The following ANKRD44 variants were observed in gnomAD, a reference collection of about 807,000 sequenced individuals.
ANKRD44 encodes serine/threonine-protein phosphatase 6 regulatory ankyrin repeat subunit B.
ANKRD44 carries 35 observed loss-of-function variants against 116.0 expected under a neutral mutation model. That is an observed-to-expected ratio of 0.30 (90% CI 0.23 to 0.40). The LOEUF is 0.40. Ranked by LOEUF, ANKRD44 falls within the 10% of genes least tolerant of loss-of-function variation. The probability of loss-of-function intolerance (pLI) is 1.00; values close to 1 mark genes in which losing one functional copy is unlikely to be tolerated. For synonymous variants in ANKRD44, 435 were observed against 461.8 expected (o/e 0.94, Z 0.74); for missense variants, 1,014 against 1,242.6 (o/e 0.82, Z 2.77).
chr2:196,987,467 T>C lies in ANKRD44; in HGVS notation c.*2124A>G, dbSNP rs2075850789. The C allele has an allele frequency of 1.3e-5, 13 of 985,380 alleles. No individual in the cohort carries two copies. Among genetic ancestry groups the C allele is most frequent in the Non-Finnish European group, 1.6e-5 (13 of 829,900 alleles). The allele number at this position is 985,380 out of a possible 1,614,324, so 61.0% of individuals were successfully genotyped here. ...ACAAGACAATAAAACGGATGAGTTC[T>C]TCAACCAACACAACATATAAGCACA... On this transcript the variant is annotated 3_prime_UTR_variant, in exon 28 of 28. Coordinates refer to ENST00000282272, the MANE Select transcript of ANKRD44 (RefSeq NM_001195144.2).
chr2:197,248,528 CTTATATA>C (rs961382204), intron 1 of ANKRD44, among the ~76,000 whole-genome samples: 139 of 147,346 alleles, frequency 9.4e-4, no homozygotes, highest in African/African-American at 3.4e-3. Flanking sequence ...TAAATACATA[CTTATATA>C]TATTATACAT....
intron 17 of ANKRD44, among the ~76,000 whole-genome samples, chr2:197,014,213 A>G (rs981242429): frequency 2.6e-5 from 4 of 152,152 alleles, no homozygotes. Flanking sequence ...ATTCTATACT[A>G]ATTTCTAACT....
rs563741597 is a variant in ANKRD44 at position 197,026,148 on chromosome 2, A to C, written c.1651-881T>G. Among the ~76,000 whole-genome samples the C allele has an allele frequency of 1.3e-4, 20 of 152,284 alleles. No individual in the cohort carries two copies. In the South Asian group the frequency reaches 3.9e-3, roughly 30 times the overall value. ...TGAGTGCACAATAGTGCATATTGTA[A>C]GGAAATGCATTCATACAATAAATAC... is the stretch of plus-strand genomic sequence containing the variant. On this transcript the variant is annotated intron_variant, in intron 16 of 27. Coordinates refer to ENST00000282272, the MANE Select transcript of ANKRD44 (RefSeq NM_001195144.2).
At chr2:197,247,295 G>A (rs941629855) in intron 1 of ANKRD44, among the ~76,000 whole-genome samples, 5 of 152,202 alleles carry the variant, frequency 3.3e-5, no homozygotes, top group African/African-American at 1.2e-4. Flanking sequence ...TCCAAGCAAG[G>A]CAGCGCTAAC....
At chr2:197,063,271 A>C (rs4850758) in intron 16 of ANKRD44, among the ~76,000 whole-genome samples, 109,498 of 152,074 alleles carry the variant, frequency 0.72, 40,831 homozygotes, top group East Asian at 0.86. Flanking sequence ...ACTAACAAAC[A>C]GAAAGGACAT....
At chr2:197,009,115 T>G in intron 18 of ANKRD44, 84 bp from the exon 19 acceptor site, 1 of 1,165,706 alleles carries the variant, frequency 8.6e-7, no homozygotes, top group Non-Finnish European at 1.3e-6. Flanking sequence ...TTTTTTGAGA[T>G]GGAGTCTTGC....
At chr2:197,017,017 T>C (rs1203766409) in intron 17 of ANKRD44, among the ~76,000 whole-genome samples, 1 of 151,928 alleles carries the variant, frequency 6.6e-6, no homozygotes, top group African/African-American at 2.4e-5. Flanking sequence ...TGTGAAGAAA[T>C]AAGTAAAATT....
intron 1 of ANKRD44, among the ~76,000 whole-genome samples, chr2:197,223,746 C>T (rs1180247697): frequency 6.6e-6 from 1 of 152,214 alleles, no homozygotes; most frequent in Non-Finnish European, 1.5e-5. Context: ...ACAACTTACA[C>T]TCCCAGGAGC....
At chr2:197,115,432 T>C (rs776539097) in intron 8 of ANKRD44, among the ~76,000 whole-genome samples, 25 of 152,232 alleles carry the variant, frequency 1.6e-4, no homozygotes, top group Non-Finnish European at 3.2e-4. Context: ...GTAAAGTATA[T>C]CTTTATTTTA....
At chr2:197,105,319 G>A (rs1305080420) in intron 9 of ANKRD44, among the ~76,000 whole-genome samples, 1 of 152,060 alleles carries the variant, frequency 6.6e-6, no homozygotes, top group Non-Finnish European at 1.5e-5. Flanking sequence ...TTGCCATGTT[G>A]GCCAGGCTAG....
chr2:197,167,445 C>A (rs2125525043), intron 2 of ANKRD44, among the ~76,000 whole-genome samples: 1 of 152,330 alleles, frequency 6.6e-6, no homozygotes, highest in East Asian at 1.9e-4. Context: ...ACATACCTTA[C>A]ATCAAGGATC....
chr2:197,233,355 T>A (rs952786916), intron 1 of ANKRD44, among the ~76,000 whole-genome samples: 1 of 152,210 alleles, frequency 6.6e-6, no homozygotes, highest in African/African-American at 2.4e-5. Context: ...GCCTCTCAGA[T>A]ACTGAATGTC....
At chr2:197,125,265 G>A in intron 6 of ANKRD44, 116 bp downstream of exon 6, 1 of 952,828 alleles carries the variant, frequency 1.0e-6, no homozygotes, top group Non-Finnish European at 1.6e-6. Flanking sequence ...TCATTCAATT[G>A]CAACCCAAGC....
intron 16 of ANKRD44, among the ~76,000 whole-genome samples, chr2:197,056,886 T>C (rs1397895783): frequency 6.6e-6 from 1 of 152,210 alleles, no homozygotes; most frequent in Non-Finnish European, 1.5e-5. Context: ...TTAACATCTG[T>C]AACTTAATTA....
chr2:196,982,084 C>T (rs2075804655), downstream of ANKRD44, among the ~76,000 whole-genome samples: 4 of 65,242 alleles, frequency 6.1e-5, no homozygotes, highest in Admixed American at 1.6e-4. Context: ...GGAATCTCTT[C>T]TCATTTGTCA....
chr2:197,043,951 C>T (rs13019481), intron 16 of ANKRD44, among the ~76,000 whole-genome samples: 1 of 151,980 alleles, frequency 6.6e-6, no homozygotes, highest in African/African-American at 2.4e-5. Flanking sequence ...AGTAATTATA[C>T]TAGAAGTGTG....
chr2:197,009,919 TC>T (rs1334623294), intron 18 of ANKRD44, among the ~76,000 whole-genome samples: 3 of 152,080 alleles, frequency 2.0e-5, no homozygotes, highest in African/African-American at 7.2e-5. Flanking sequence ...ACTAGTCAGC[TC>T]CCCTTTTTGT....
chr2:197,197,824 A>AAAAG, intron 1 of ANKRD44, among the ~76,000 whole-genome samples: 2 of 117,700 alleles, frequency 1.7e-5, no homozygotes, highest in South Asian at 6.4e-4. Flanking sequence ...AAAAAAAAAA[A>AAAAG]AAAAAAGAAA....
intron 23 of ANKRD44, among the ~76,000 whole-genome samples, chr2:197,000,181 ATATT>A (rs1264778267): frequency 1.3e-5 from 2 of 152,226 alleles, no homozygotes; most frequent in Non-Finnish European, 2.9e-5. Flanking sequence ...ATGCATAAAA[ATATT>A]TAGGAGAAAA....
Sources: allele counts gnomAD v4.1 joint callset (sites outside exome capture counted in the v4.1 genomes callset), GRCh38; gene constraint gnomAD v4.1.1; transcripts MANE v1.5; gene names NCBI Gene and HGNC (gene_info 2026-07-23, HGNC 2026-07-21).